Variants in SPAG16 observed in about 807,000 individuals in gnomAD.
SPAG16 encodes sperm-associated antigen 16 protein.
A neutral mutation model predicts 80.4 loss-of-function variants in SPAG16; 86 were observed. That is an observed-to-expected ratio of 1.07 (90% CI 0.90 to 1.28). The LOEUF (loss-of-function observed/expected upper bound fraction) is 1.28, where lower values mean the gene tolerates loss of function less well. Among genes scored for constraint, SPAG16 ranks in the 50% most tolerant of loss-of-function variants. The pLI, the probability that SPAG16 is intolerant of heterozygous loss-of-function variation, is 0.00. For synonymous variants in SPAG16, 294 were observed against 265.9 expected, an observed-to-expected ratio of 1.11 and a Z score of -1.03; for missense variants, 870 against 765.3, an observed-to-expected ratio of 1.14 and a Z score of -1.61.
chr2:213,560,395 C>A (rs1575975178), intron 10 of SPAG16, among the ~76,000 whole-genome samples: 1 of 152,082 alleles, frequency 6.6e-6, no homozygotes, highest in Non-Finnish European at 1.5e-5. Context: ...GCATTTCAAG[C>A]AATTCTAACT....
intron 14 of SPAG16, among the ~76,000 whole-genome samples, chr2:214,139,432 AT>A (rs1434980682): frequency 4.0e-5 from 6 of 151,866 alleles, no homozygotes; most frequent in Non-Finnish European, 8.8e-5. Context: ...GCGGCTTTTG[AT>A]TTTGTTGATG....
rs76657880 is a variant in SPAG16, at chr2:214,050,416, G to A, written c.1527+36339G>A. On this transcript the variant is annotated intron_variant, in intron 13 of 15. Transcript: ENST00000331683. ...GAGAAACATTCATCTGGCCCTTTCTGTATCAGCATCAATATCTGAGTGGTC... is the reference window on the plus strand; with the variant it reads ...GAGAAACATTCATCTGGCCCTTTCTATATCAGCATCAATATCTGAGTGGTC... Among the ~76,000 whole-genome samples, 1,416 of 152,116 alleles carry A rather than the reference G, an allele frequency of 9.3e-3. 23 individuals carry two copies. The highest frequency in any genetic ancestry group is 0.032 in the African/African-American group (1,339 of 41,512).
At chr2:213,920,044 C>T (rs1414000563) in intron 11 of SPAG16, among the ~76,000 whole-genome samples, 1 of 152,092 alleles carries the variant, frequency 6.6e-6, no homozygotes, top group Non-Finnish European at 1.5e-5. Context: ...GTATGTAATG[C>T]TCCCCTTTTT....
At chr2:213,332,466 A>G (rs991122275) in intron 5 of SPAG16, among the ~76,000 whole-genome samples, 1 of 152,180 alleles carries the variant, frequency 6.6e-6, no homozygotes, top group East Asian at 1.9e-4. Context: ...CATTTAAAGA[A>G]CTAACACCAG....
At chr2:213,715,675 A>G (rs999015515) in intron 10 of SPAG16, among the ~76,000 whole-genome samples, 1 of 152,192 alleles carries the variant, frequency 6.6e-6, no homozygotes, top group Non-Finnish European at 1.5e-5. Flanking sequence ...GCCATCTTTT[A>G]CTAGACTGTT....
At chr2:214,351,843 A>T (rs77658628) in intron 15 of SPAG16, among the ~76,000 whole-genome samples, 71 of 152,214 alleles carry the variant, frequency 4.7e-4, no homozygotes, top group Admixed American at 1.6e-3. Context: ...ACACAAAAAA[A>T]ATATACTGTC....
chr2:213,328,453 G>T (rs1012687264), intron 5 of SPAG16, among the ~76,000 whole-genome samples: 7 of 152,066 alleles, frequency 4.6e-5, no homozygotes, highest in African/African-American at 1.4e-4. Context: ...TTCAAGTGAG[G>T]TTCTTGTGCT....
In SPAG16 at chr2:213,591,159, A is replaced by G. The variant is rs1041160542; in HGVS notation, c.1070+101069A>G. 7.9e-5 allele frequency among the ~76,000 whole-genome samples: 12 copies of G among 152,290 alleles called. No individual in the cohort carries two copies. In the East Asian group the frequency reaches 1.7e-3, roughly 22 times the overall value. ...TATATTCTTGCCATCTTTATCTTCT[A>G]GGTTATAGGAAGCATTATGATCTGT... On this transcript the variant is annotated intron_variant, in intron 10 of 15. Transcript: ENST00000331683.
At chr2:214,269,288 TA>T (rs1283411894) in intron 15 of SPAG16, among the ~76,000 whole-genome samples, 1 of 152,018 alleles carries the variant, frequency 6.6e-6, no homozygotes, top group African/African-American at 2.4e-5. Context: ...GACTTTTTCA[TA>T]ACTTAGAGAA....
chr2:213,338,132 G>A (rs535862249), intron 5 of SPAG16, among the ~76,000 whole-genome samples: 7 of 152,246 alleles, frequency 4.6e-5, no homozygotes, highest in African/African-American at 1.7e-4. Flanking sequence ...CATAAGTGAA[G>A]GAGAAATAAA....
intron 13 of SPAG16, among the ~76,000 whole-genome samples, chr2:214,079,850 A>G (rs1372104188): frequency 6.6e-6 from 1 of 152,222 alleles, no homozygotes. Flanking sequence ...AAGAGAAAAG[A>G]GAATTTCAAA....
rs144383120 is a variant in SPAG16, at chr2:213,331,104, A to C, written c.537-9059A>C. ...ACCTCTCCATCTATCAGGGGTAGAG[A>C]GTTTTTCTTTTACTTTTCCTTCACC... On this transcript the variant is annotated intron_variant, in intron 5 of 15. Transcript: ENST00000331683. 3.5e-3 allele frequency among the ~76,000 whole-genome samples: 540 copies of C among 152,206 alleles called. 6 individuals carry two copies. Among genetic ancestry groups the C allele is most frequent in the African/African-American group, 0.012 (508 of 41,526 alleles).
At chr2:214,017,485 G>C (rs2047650005) in intron 13 of SPAG16, among the ~76,000 whole-genome samples, 2 of 152,128 alleles carry the variant, frequency 1.3e-5, no homozygotes, top group Non-Finnish European at 1.5e-5. Flanking sequence ...TTCTAGGAAA[G>C]TCTATATCTT....
At chr2:214,253,660 T>C (rs1156283820) in intron 15 of SPAG16, among the ~76,000 whole-genome samples, 1 of 152,192 alleles carries the variant, frequency 6.6e-6, no homozygotes, top group East Asian at 1.9e-4. Context: ...TCTATTGATC[T>C]ATATATCTGT....
chr2:213,670,784 A>G (rs2063788166), intron 10 of SPAG16, among the ~76,000 whole-genome samples: 1 of 152,222 alleles, frequency 6.6e-6, no homozygotes, highest in African/African-American at 2.4e-5. Flanking sequence ...TGTGTTTACA[A>G]TATTTTAGAA....
rs185523257 is a variant in SPAG16 at position 214,202,544 on chromosome 2, C to T, written c.1720+53278C>T. Among the ~76,000 whole-genome samples, 7 of 152,236 alleles carry T rather than the reference C, an allele frequency of 4.6e-5. No individual in the cohort carries two copies. In the East Asian group the frequency reaches 7.7e-4, roughly 17 times the overall value. ...GATAAATTCTGACTATGGTCACCAT[C>T]GGGGCAGAGGTAAATTATCCTCAAG... On this transcript the variant is annotated intron_variant, in intron 15 of 15. Transcript: ENST00000331683.
intron 10 of SPAG16, among the ~76,000 whole-genome samples, chr2:213,596,218 T>C (rs1289542430): frequency 2.6e-5 from 4 of 152,016 alleles, no homozygotes; most frequent in Non-Finnish European, 5.9e-5. Context: ...CAGAAGGAGG[T>C]TGTAAGCTTT....
intron 15 of SPAG16, among the ~76,000 whole-genome samples, chr2:214,312,780 T>C (rs999452511): frequency 1.3e-5 from 2 of 152,198 alleles, no homozygotes; most frequent in Non-Finnish European, 1.5e-5. Context: ...TGAAGTATCA[T>C]TTAGATATTC....
intron 12 of SPAG16, among the ~76,000 whole-genome samples, chr2:213,949,179 T>TTTTTTTTTTTTTTTTTTTTGTTTTTG (rs1553677674): frequency 2.8e-5 from 1 of 36,264 alleles, no homozygotes; most frequent in Non-Finnish European, 5.5e-5. Context: ...GTTTTTTTTT[T>TTTTTTTTTTTTTTTTTTTTGTTTTTG]TTTTTTTTTT....
Sources: gnomAD v4.1 joint callset for allele counts (sites outside exome capture counted in the v4.1 genomes callset) on GRCh38, gnomAD v4.1.1 for gene constraint, MANE v1.5 for transcripts, NCBI Gene and HGNC (gene_info 2026-07-23, HGNC 2026-07-21) for gene names.